The following LRP2 variants were observed in gnomAD, a reference collection of about 807,000 sequenced individuals.
LRP2 encodes the protein low-density lipoprotein receptor-related protein 2.
Under a neutral mutation model 531.0 loss-of-function variants are expected in LRP2, and 172 were observed. The observed-to-expected ratio is 0.32, with a 90% CI of 0.29 to 0.37. The LOEUF is 0.37. Among genes scored for constraint, LRP2 ranks in the 10% least tolerant of loss-of-function variants. The probability of loss-of-function intolerance (pLI) is 1.00; values close to 1 mark genes in which losing one functional copy is unlikely to be tolerated. For missense variants in LRP2, 5,167 were observed against 5,868.3 expected (o/e 0.88, Z 3.90); for synonymous variants, 1,992 against 2,027.6 (o/e 0.98, Z 0.47).
chr2:169,132,736 A>T, intron 76 of LRP2, 55 bp from the exon 77 acceptor site: 1 of 888,666 alleles, frequency 1.1e-6, no homozygotes, highest in Non-Finnish European at 1.9e-6. Context: ...GTAGTAAATA[A>T]ATTTGCTGTA....
chr2:169,305,294 A>G (rs1684386394), intron 4 of LRP2, among the ~76,000 whole-genome samples: 1 of 152,242 alleles, frequency 6.6e-6, no homozygotes, highest in African/African-American at 2.4e-5. Context: ...TTTTGCACAT[A>G]TACAAGTATA....
intron 25 of LRP2, among the ~76,000 whole-genome samples, 183 bp from the exon 26 acceptor site, chr2:169,239,958 C>A (rs1689745779): frequency 6.6e-6 from 1 of 152,166 alleles, no homozygotes; most frequent in South Asian, 2.1e-4. Context: ...TCTAATTTGT[C>A]TGAGGATTTA....
rs1345269535 is a variant in LRP2, at chr2:169,138,611, C to A, written c.13484G>T (p.Gly4495Val). The change falls in exon 75 of 79, where the codon GGA (glycine) becomes GTA (valine). Residue 4495 changes from glycine (G) to valine (V), a missense_variant. Around this residue, in one of 6 missense-constraint regions of LRP2, gnomAD observed 348 missense variants for 369.3 expected, o/e 0.94. Coordinates refer to ENST00000649046, the MANE Select transcript of LRP2 (RefSeq NM_004525.3). Reference sequence around the variant, plus strand: ...TGACCTGTCAATAGCAGTCTCAGGTCCAAAACCAGACACTCCAATATCCAT... The same window carrying A: ...TGACCTGTCAATAGCAGTCTCAGGTACAAAACCAGACACTCCAATATCCAT... Reference protein sequence around the residue: ...LNMDIGVSGFGPETAIDRSMA... With the variant: ...LNMDIGVSGFVPETAIDRSMA... 6.2e-7 allele frequency: 1 copy of A among 1,613,996 alleles called. No individual in the cohort carries two copies.
At position 169,279,547 on chromosome 2, in the gene LRP2, C is replaced by A; in HGVS notation, c.1390G>T (p.Val464Phe). 1 of 1,613,950 alleles carries A rather than the reference C, an allele frequency of 6.2e-7. No individual in the cohort carries two copies. The highest frequency in any genetic ancestry group is 8.5e-7 in the Non-Finnish European group (1 of 1,179,934). ...AGGTTCTCTGGGGTTTCAACAGAAA[C>A]ATTGAGAACCTCTTGGATATTTAAA... is the stretch of plus-strand genomic sequence containing the variant. The part of the protein sequence containing the change: ...NGLNIQEVLN[V>F]SVETPENLAV... The change falls in exon 12 of 79, where the codon GTT becomes TTT. Residue 464 changes from valine to phenylalanine, a missense_variant. Physicochemically the swap from Val to Phe is conservative, Grantham distance 50. This residue lies in a region of LRP2 where 2,811 missense variants were observed against 3,058.0 expected (regional missense o/e 0.92). Transcript: ENST00000649046.
intron 1 of LRP2, among the ~76,000 whole-genome samples, chr2:169,357,776 A>G (rs758246789): frequency 6.6e-6 from 1 of 152,212 alleles, no homozygotes; most frequent in Non-Finnish European, 1.5e-5. Flanking sequence ...ATAATTTAAA[A>G]TTTTAATTTA....
intron 51 of LRP2, 44 bp from the exon 52 acceptor site, chr2:169,181,662 A>T (rs769905418): frequency 2.5e-6 from 4 of 1,577,670 alleles, no homozygotes; most frequent in East Asian, 2.2e-5. Flanking sequence ...TGCCAAAAGA[A>T]GTCAGTAGCC....
In LRP2 at chr2:169,237,252, A is replaced by C. The variant is rs1290209806; in HGVS notation, c.4542T>G (p.Ile1514Met). 9 of 1,613,784 alleles carry C rather than the reference A, an allele frequency of 5.6e-6. No homozygotes were observed. In the African/African-American group the frequency reaches 1.2e-4, roughly 22 times the overall value. ...FDSSIILTET[I>M]AIDWVGRNLY... is the part of the protein sequence containing the mutation. ...GATTACGACCTACCCAATCTATTGC[A>C]ATAGTTTCAGTCAAGATGATGCTAC... Residue 1514 changes from isoleucine (I) to methionine (M), a missense_variant, in exon 28 of 79, where the codon ATT (isoleucine) becomes ATG (methionine). By Grantham distance (10) the Ile-to-Met change is conservative. Around this residue, in one of 6 missense-constraint regions of LRP2, gnomAD observed 2,811 missense variants for 3,058.0 expected, o/e 0.92. Coordinates refer to ENST00000649046, the MANE Select transcript of LRP2 (RefSeq NM_004525.3).
At chr2:169,245,591 G>C (rs927776740) in intron 21 of LRP2, among the ~76,000 whole-genome samples, 18 of 152,004 alleles carry the variant, frequency 1.2e-4, no homozygotes, top group Admixed American at 1.0e-3. Flanking sequence ...GATTTCAACT[G>C]TCCTCTATCT....
chr2:169,264,463 T>G (rs1295177089), intron 16 of LRP2, among the ~76,000 whole-genome samples: 6 of 152,014 alleles, frequency 3.9e-5, no homozygotes, highest in Non-Finnish European at 2.9e-5. Flanking sequence ...CCAAGCTCAG[T>G]GGGCCTGATT....
chr2:169,179,516 T>C (rs900488707), intron 52 of LRP2, among the ~76,000 whole-genome samples: 4 of 151,542 alleles, frequency 2.6e-5, no homozygotes, highest in African/African-American at 9.7e-5. Flanking sequence ...AGGTCGGGAG[T>C]TCGAGACCAG....
rs35114151 is a variant in LRP2, at chr2:169,206,961, A to G, written c.6759T>C (p.Asp2253=). Reference sequence around the variant, plus strand: ...GAATCCTTGCAATTATATCTAAAGAATCATCAACCCAATAAACGTAGCCAT... The same window carrying G: ...GAATCCTTGCAATTATATCTAAAGAGTCATCAACCCAATAAACGTAGCCAT... The part of the protein sequence containing the change: ...RSDGYVYWVD[D]SLDIIARIRI... Residue 2253 remains aspartate, a synonymous_variant, in exon 39 of 79, where the codon GAT becomes GAC. Transcript: ENST00000649046. 0.028 allele frequency: 45,124 copies of G among 1,614,166 alleles called. 1,138 individuals are homozygous for G. Among genetic ancestry groups the G allele is most frequent in the African/African-American group, 0.11 (7,907 of 75,018 alleles).
rs1178342603 is a variant in LRP2, at chr2:169,277,728, T to C, written c.1772+17A>G. On this transcript the variant is annotated intron_variant, in intron 13 of 78. Transcript: ENST00000649046. ...CTGCAACTTATAAAGCCATAAGCCA[T>C]AAAAAATACTTCTTACCTTTGAATT... 5.0e-6 allele frequency: 8 copies of C among 1,610,026 alleles called. No individual in the cohort carries two copies. Among genetic ancestry groups the C allele is most frequent in the East Asian group, 2.2e-5 (1 of 44,848 alleles).
intron 1 of LRP2, among the ~76,000 whole-genome samples, chr2:169,334,380 A>C (rs1190573510): frequency 1.3e-5 from 2 of 152,226 alleles, no homozygotes; most frequent in Non-Finnish European, 2.9e-5. Context: ...GCAATTAAAG[A>C]AAATAAAATG....
intron 16 of LRP2, among the ~76,000 whole-genome samples, chr2:169,260,836 C>G (rs1033304434): frequency 7.0e-6 from 1 of 143,724 alleles, no homozygotes; most frequent in African/African-American, 2.6e-5. Flanking sequence ...TTTTATAGAA[C>G]AGGAGAAAAA....
At position 169,313,672 on chromosome 2, in the gene LRP2, G is replaced by C. The variant is rs1574247882; in HGVS notation, c.310+5090C>G. Among the ~76,000 whole-genome samples the C allele has an allele frequency of 2.6e-5, 4 of 152,250 alleles. No homozygotes were observed. In the East Asian group the frequency reaches 7.8e-4, roughly 30 times the overall value. On this transcript the variant is annotated intron_variant, in intron 3 of 78. Coordinates refer to ENST00000649046, the MANE Select transcript of LRP2 (RefSeq NM_004525.3). ...ACTCGGGGGTCAGGGACCCACTTGA[G>C]GTAGTCTGTCCATTCTCAGATCTCA...
chr2:169,131,886 T>C (rs1685303840), intron 77 of LRP2, among the ~76,000 whole-genome samples: 1 of 152,252 alleles, frequency 6.6e-6, no homozygotes, highest in Admixed American at 6.5e-5. Context: ...ACTAATGATA[T>C]ACATTAATAC....
intron 11 of LRP2, 110 bp downstream of exon 11, chr2:169,280,240 C>T: frequency 8.6e-7 from 1 of 1,159,780 alleles, no homozygotes; most frequent in Non-Finnish European, 1.3e-6. Context: ...ATCTCAAGGG[C>T]CTTTTTTGTT....
intron 1 of LRP2, among the ~76,000 whole-genome samples, chr2:169,331,108 C>T (rs570221133): frequency 6.6e-6 from 1 of 152,192 alleles, no homozygotes; most frequent in South Asian, 2.1e-4. Context: ...GGGGAGGGGA[C>T]CACACTAGAA....
At position 169,206,377 on chromosome 2, in the gene LRP2, T is replaced by C. The variant is rs538080625; in HGVS notation, c.7343A>G (p.Tyr2448Cys). Residue 2448 changes from tyrosine to cysteine, a missense_variant, in exon 39 of 79, where the codon TAT (tyrosine) becomes TGT (cysteine). This residue lies in a region of LRP2 where 1,129 missense variants were observed against 1,362.7 expected (regional missense o/e 0.83). Coordinates refer to ENST00000649046, the MANE Select transcript of LRP2 (RefSeq NM_004525.3). ...ATGGATCCCTGAAGACAGGGTGGCA[T>C]AGGAAATCTGTCCAACTCCAGAGGC... ...NLASGVGQIS[Y>C]ATLSSGIHTP... 1 of 1,614,058 alleles carries C rather than the reference T, an allele frequency of 6.2e-7. No individual in the cohort carries two copies. Among genetic ancestry groups the C allele is most frequent in the South Asian group, 1.1e-5 (1 of 91,076 alleles).
Sources: gnomAD v4.1 joint callset for allele counts (sites outside exome capture counted in the v4.1 genomes callset) on GRCh38, gnomAD v4.1.1 for gene constraint, gnomAD v4.1.1 regional missense constraint, MANE v1.5 for transcripts, NCBI Gene and HGNC (gene_info 2026-07-23, HGNC 2026-07-21) for gene names.